ZNF142: variants seen among roughly 807,000 people sequenced by gnomAD.
The protein encoded by ZNF142 is zinc finger protein 142 (clone pHZ-49).
A neutral mutation model predicts 132.1 loss-of-function variants in ZNF142; 96 were observed. The observed-to-expected ratio is 0.73, with a 90% CI of 0.62 to 0.86. The LOEUF is 0.86. Ranked by LOEUF, ZNF142 falls within the 40% of genes least tolerant of loss-of-function variation. ZNF142 has a pLI of 0.00. For missense variants in ZNF142, 2,163 were observed against 2,336.2 expected (o/e 0.93, Z 1.53); for synonymous variants, 842 against 890.1 (o/e 0.95, Z 0.96).
In ZNF142 at chr2:218,646,176, G is replaced by C. The variant is rs1397701779; in HGVS notation, c.2046C>G (p.Asp682Glu). The change falls in exon 8 of 11, where the codon GAC (aspartate) becomes GAG (glutamate). Residue 682 changes from aspartate to glutamate, a missense_variant. Physicochemically the swap from Asp to Glu is conservative, Grantham distance 45. Coordinates refer to ENST00000411696, the MANE Select transcript of ZNF142 (RefSeq NM_001379659.1). The stretch of plus-strand genomic sequence containing the variant: ...GGCCTATGTGTGTGTTGTACCTGAG[G>C]TCCCCTGCATGTTTTCGCATGTGCA... ...LRVHMRKHAG[D>E]LRYQCNQCSY... 1 of 1,613,090 alleles carries C rather than the reference G, an allele frequency of 6.2e-7. No homozygotes were observed. The highest frequency in any genetic ancestry group is 8.5e-7 in the Non-Finnish European group (1 of 1,179,818).
In ZNF142 at chr2:218,642,842, A is replaced by C. The variant is rs367630057; in HGVS notation, c.4274T>G (p.Ile1425Ser). 7.4e-6 allele frequency: 12 copies of C among 1,614,038 alleles called. No homozygotes were observed. Among genetic ancestry groups the C allele is most frequent in the Non-Finnish European group, 1.0e-5 (12 of 1,180,046 alleles). Residue 1425 changes from isoleucine to serine, a missense_variant, in exon 9 of 11, where the codon ATT (isoleucine) becomes AGT (serine). Coordinates refer to ENST00000411696, the MANE Select transcript of ZNF142 (RefSeq NM_001379659.1). This position sits in a 1 kb window ranked among gnomAD's most constrained non-coding sequence, Gnocchi z 4.6. Reference protein sequence around the residue: ...LEAHQSRHTGIGRIPCSSCPQ... With the variant: ...LEAHQSRHTGSGRIPCSSCPQ... The stretch of plus-strand genomic sequence containing the variant: ...GCAAGAGCTGCAGGGGATGCGGCCA[A>C]TGCCTGTGTGTCGGGACTGGTGAGC...
rs754873030 is a variant in ZNF142, at chr2:218,638,309, C to G, written c.*30G>C. On this transcript the variant is annotated 3_prime_UTR_variant, in exon 11 of 11. Coordinates refer to ENST00000411696, the MANE Select transcript of ZNF142 (RefSeq NM_001379659.1). ...CAGTCTGCACATCTCAGACCATACC[C>G]TCTTCCTATACAGGAGGTGGGGCAG... 6.7e-7 allele frequency: 1 copy of G among 1,488,820 alleles called. No homozygotes were observed. The highest frequency in any genetic ancestry group is 8.9e-7 in the Non-Finnish European group (1 of 1,118,772). 92.2% of individuals were successfully genotyped at this position (1,488,820 alleles called of 1,614,324 possible).
chr2:218,643,128 C>G lies in ZNF142; in HGVS notation c.3988G>C (p.Glu1330Gln). ...RTHQIRGCPL[E>Q]ESGELHCSLC... is the part of the protein sequence containing the mutation. Reference sequence around the variant, plus strand: ...CTGCAGTGCAGCTCTCCAGACTCCTCGAGGGGGCAGCCCCGGATCTGGTGA... The same window carrying G: ...CTGCAGTGCAGCTCTCCAGACTCCTGGAGGGGGCAGCCCCGGATCTGGTGA... Residue 1330 changes from glutamate to glutamine, a missense_variant, in exon 9 of 11, where the codon GAG becomes CAG. Physicochemically the swap from Glu to Gln is conservative, Grantham distance 29. Transcript: ENST00000411696. 6.2e-7 allele frequency: 1 copy of G among 1,613,732 alleles called. No individual in the cohort carries two copies. The highest frequency in any genetic ancestry group is 8.5e-7 in the Non-Finnish European group (1 of 1,179,850).
At chr2:218,650,125 G>C (rs952205739) in intron 6 of ZNF142, among the ~76,000 whole-genome samples, 1 of 152,152 alleles carries the variant, frequency 6.6e-6, no homozygotes, top group Non-Finnish European at 1.5e-5. Context: ...TTCTGCCTGA[G>C]GAAAACCAGC....
At position 218,651,818 on chromosome 2, in the gene ZNF142, A is replaced by T. The variant is rs1336936904; in HGVS notation, c.763T>A (p.Cys255Ser). The T allele has an allele frequency of 7.8e-7, 1 of 1,289,760 alleles. No homozygotes were observed. Among genetic ancestry groups the T allele is most frequent in the Non-Finnish European group, 1.0e-6 (1 of 988,892 alleles). The allele number at this position is 1,289,760 out of a possible 1,614,324, so 79.9% of individuals were successfully genotyped here. A position where few individuals can be genotyped will look rare whatever the true frequency, so the allele number is the denominator to read the frequency against. Residue 255 changes from cysteine to serine, a missense_variant, in exon 5 of 11, where the codon TGC becomes AGC. Transcript: ENST00000411696. ...QAHYPFHCSH[C>S]SFIGSNVKLF... ...TTGACGTTGGAGCCTATGAAGCTGCAGTGGCTGCAGTGGAAAGGGTAATGC... is the reference window on the plus strand; with the variant it reads ...TTGACGTTGGAGCCTATGAAGCTGCTGTGGCTGCAGTGGAAAGGGTAATGC...
Position 218,644,495 on chromosome 2 carries a change from G to A in ZNF142, c.2621C>T (p.Pro874Leu), listed in dbSNP as rs1253069265. 2 of 1,613,960 alleles carry A rather than the reference G, an allele frequency of 1.2e-6. No individual in the cohort carries two copies. The highest frequency in any genetic ancestry group is 1.7e-5 in the Admixed American group (1 of 60,026). ...NTGRQEGSEA[P>L]HGGDLGGSPS... ...ACTGCCACCCAGGTCACCCCCATGG[G>A]GAGCCTCACTGCCCTCCTGTCTTCC... Residue 874 changes from proline to leucine, a missense_variant, in exon 9 of 11, where the codon CCC becomes CTC. Physicochemically the swap from Pro to Leu is moderately conservative, Grantham distance 98. This residue lies in a region of ZNF142 where 749 missense variants were observed against 830.3 expected (regional missense o/e 0.90). Transcript: ENST00000411696. This position sits in a 1 kb window ranked among gnomAD's most constrained non-coding sequence, Gnocchi z 4.6.
Position 218,642,467 on chromosome 2 carries a change from T to C in ZNF142, c.4649A>G (p.Gln1550Arg). The C allele has an allele frequency of 1.2e-6, 2 of 1,610,028 alleles. No individual in the cohort carries two copies. Among genetic ancestry groups the C allele is most frequent in the Non-Finnish European group, 1.7e-6 (2 of 1,177,744 alleles). ...GGCCCCACACTCAAGCCGTGGGTGC[T>C]GTTTACGGGTGTGTCCTCGTAAGCT... ...PASLRGHTRKQHPRLECGACQ... is the reference protein window; with the variant it reads ...PASLRGHTRKRHPRLECGACQ... Residue 1550 changes from glutamine (Q) to arginine (R), a missense_variant, in exon 9 of 11, where the codon CAG becomes CGG. Gln to Arg is a conservative substitution (Grantham distance 43). This residue lies in a region of ZNF142 where 809 missense variants were observed against 801.7 expected (regional missense o/e 1.01). Transcript: ENST00000411696. This position sits in a 1 kb window ranked among gnomAD's most constrained non-coding sequence, Gnocchi z 4.6.
chr2:218,642,479 T>C lies in ZNF142; in HGVS notation c.4637A>G (p.His1546Arg), dbSNP rs1449284746. 1.2e-6 allele frequency: 2 copies of C among 1,608,680 alleles called. No individual in the cohort carries two copies. The highest frequency in any genetic ancestry group is 1.7e-6 in the Non-Finnish European group (2 of 1,176,956). ...AAGCCGTGGGTGCTGTTTACGGGTGTGTCCTCGTAAGCTGGCAGGGCTGGG... is the reference window on the plus strand; with the variant it reads ...AAGCCGTGGGTGCTGTTTACGGGTGCGTCCTCGTAAGCTGGCAGGGCTGGG... The part of the protein sequence containing the change: ...LCPSPASLRG[H>R]TRKQHPRLEC... The change falls in exon 9 of 11, where the codon CAC becomes CGC. Residue 1546 changes from histidine (H) to arginine (R), a missense_variant. His to Arg is a conservative substitution (Grantham distance 29). Around this residue, in one of 7 missense-constraint regions of ZNF142, gnomAD observed 809 missense variants for 801.7 expected, o/e 1.01. Transcript: ENST00000411696. This position sits in a 1 kb window ranked among gnomAD's most constrained non-coding sequence, Gnocchi z 4.6.
chr2:218,633,639 C>T lies in ZNF142; in HGVS notation c.*4700G>A, dbSNP rs2106163868. 6.2e-7 allele frequency: 1 copy of T among 1,613,666 alleles called. No individual in the cohort carries two copies. The highest frequency in any genetic ancestry group is 8.5e-7 in the Non-Finnish European group (1 of 1,179,592). On this transcript the variant is annotated 3_prime_UTR_variant, in exon 11 of 11. Transcript: ENST00000411696. ...CCCATCTTGTGTCCAGCCCTCTCTTCCCTGGTTATCTACTTGAAGTCTGTC... is the reference window on the plus strand; with the variant it reads ...CCCATCTTGTGTCCAGCCCTCTCTTTCCTGGTTATCTACTTGAAGTCTGTC...
intron 8 of ZNF142, 136 bp from the exon 9 acceptor site, chr2:218,645,200 A>G: frequency 8.9e-7 from 1 of 1,121,184 alleles, no homozygotes; most frequent in Non-Finnish European, 1.2e-6. Context: ...CCTCCTTTTC[A>G]CTACCCTATG....
In ZNF142 at chr2:218,642,714, G is replaced by A. The variant is rs1559289064; in HGVS notation, c.4402C>T (p.Leu1468Phe). 6.2e-7 allele frequency: 1 copy of A among 1,614,132 alleles called. No homozygotes were observed. Residue 1468 changes from leucine to phenylalanine, a missense_variant, in exon 9 of 11, where the codon CTT becomes TTT. By Grantham distance (22) the Leu-to-Phe change is conservative (BLOSUM62 0). Coordinates refer to ENST00000411696, the MANE Select transcript of ZNF142 (RefSeq NM_001379659.1). This position sits in a 1 kb window ranked among gnomAD's most constrained non-coding sequence, Gnocchi z 4.6. ...FCPLCDYSGY[L>F]RHDITRHVNS... ...ACATGACGAGTGATGTCATGGCGAA[G>A]GTAGCCACTATAGTCACAAAGTGGA... is the stretch of plus-strand genomic sequence containing the variant.
rs554564997 is a variant in ZNF142, at chr2:218,646,753, T to G, written c.1874-405A>C. On this transcript the variant is annotated intron_variant, in intron 7 of 10. Coordinates refer to ENST00000411696, the MANE Select transcript of ZNF142 (RefSeq NM_001379659.1). ...GTGCCCGCCACCACGCCCAACTAATTTTTTTGTATTTTTAGTAGAGATGGG... is the reference window on the plus strand; with the variant it reads ...GTGCCCGCCACCACGCCCAACTAATGTTTTTGTATTTTTAGTAGAGATGGG... Among the ~76,000 whole-genome samples the G allele has an allele frequency of 5.3e-5, 8 of 152,160 alleles. No individual in the cohort carries two copies. The East Asian group carries it at 1.5e-3, about 29-fold the overall frequency.
At chr2:218,640,599 G>A (rs1224039236) in intron 10 of ZNF142, 65 bp downstream of exon 10, 4 of 1,436,026 alleles carry the variant, frequency 2.8e-6, no homozygotes, top group African/African-American at 1.4e-5. Context: ...GACCAACCTT[G>A]GTAAGGTTAG....
Position 218,634,240 on chromosome 2 carries a change from C to T in ZNF142, c.*4099G>A, listed in dbSNP as rs780692643. 1 of 1,600,722 alleles carries T rather than the reference C, an allele frequency of 6.2e-7. No homozygotes were observed. Among genetic ancestry groups the T allele is most frequent in the Non-Finnish European group, 8.5e-7 (1 of 1,173,430 alleles). On this transcript the variant is annotated 3_prime_UTR_variant, in exon 11 of 11. Coordinates refer to ENST00000411696, the MANE Select transcript of ZNF142 (RefSeq NM_001379659.1). This position sits in a 1 kb window ranked among gnomAD's most constrained non-coding sequence, Gnocchi z 4.0. ...CAGATGGGTGAGGAGGCAGCAGGGA[C>T]TGGGAAGAGGGAGTGGAGGAGCAGC...
In ZNF142 at chr2:218,636,644, T is replaced by C. The variant is rs140885502; in HGVS notation, c.*1695A>G. 32 of 1,488,624 alleles carry C rather than the reference T, an allele frequency of 2.1e-5. No homozygotes were observed. The African/African-American group carries it at 4.3e-4, about 20-fold the overall frequency. The allele number at this position is 1,488,624 out of a possible 1,614,324, so 92.2% of individuals were successfully genotyped here. A position where few individuals can be genotyped will look rare whatever the true frequency, so the allele number is the denominator to read the frequency against. On this transcript the variant is annotated 3_prime_UTR_variant, in exon 11 of 11. Transcript: ENST00000411696. ...CGGGGAGAAACATCTGGAAGGATGCTCGAGAGAACAAATGGAGGTGGTGAA... is the reference window on the plus strand; with the variant it reads ...CGGGGAGAAACATCTGGAAGGATGCCCGAGAGAACAAATGGAGGTGGTGAA...
intron 7 of ZNF142, among the ~76,000 whole-genome samples, chr2:218,647,533 G>A (rs1047304849): frequency 6.6e-6 from 1 of 151,132 alleles, no homozygotes; most frequent in African/African-American, 2.4e-5. Context: ...AGAAATCATA[G>A]AGCCATTAAG....
chr2:218,637,431 A>G lies in ZNF142; in HGVS notation c.*908T>C, dbSNP rs6728701. On this transcript the variant is annotated 3_prime_UTR_variant, in exon 11 of 11. Coordinates refer to ENST00000411696, the MANE Select transcript of ZNF142 (RefSeq NM_001379659.1). ...CCTGGTTTATGTCTGTTGTCCCAGCATAATTATTAATAGTACCCTCTTTAA... is the reference window on the plus strand; with the variant it reads ...CCTGGTTTATGTCTGTTGTCCCAGCGTAATTATTAATAGTACCCTCTTTAA... Among the ~76,000 whole-genome samples, 8,599 of 152,298 alleles carry G rather than the reference A, an allele frequency of 0.056. 344 individuals are homozygous for G. The highest frequency in any genetic ancestry group is 0.12 in the East Asian group (618 of 5,194).
chr2:218,640,055 C>T (rs1697048152), intron 10 of ZNF142, among the ~76,000 whole-genome samples: 1 of 73,014 alleles, frequency 1.4e-5, no homozygotes, highest in Non-Finnish European at 2.3e-5. Flanking sequence ...GAGCGAGACT[C>T]TGTCTCAAAA....
intron 7 of ZNF142, 146 bp from the exon 8 acceptor site, chr2:218,646,494 A>G: frequency 2.3e-6 from 2 of 871,174 alleles, no homozygotes. Flanking sequence ...ACCTCACAAT[A>G]ATAAAGGGCT....
Sources: allele counts gnomAD v4.1 joint callset (sites outside exome capture counted in the v4.1 genomes callset), GRCh38; gene constraint gnomAD v4.1.1; regional missense constraint gnomAD v4.1.1; non-coding constraint Gnocchi (gnomAD v3.1); transcripts MANE v1.5; gene names NCBI Gene and HGNC (gene_info 2026-07-23, HGNC 2026-07-21).